The following TC2N variants were observed in gnomAD, a reference collection of about 807,000 sequenced individuals.
TC2N encodes the protein tandem C2 domains, nuclear.
In TC2N, 51 loss-of-function variants were observed where a neutral mutation model predicts 61.9. The ratio of observed to expected loss-of-function variants is 0.82; its 90% CI spans 0.66 to 1.04. TC2N has a LOEUF of 1.04. Ranked by LOEUF, TC2N falls within the 50% of genes least tolerant of loss-of-function variation. TC2N has a pLI of 0.00. For synonymous variants in TC2N, 204 were observed against 192.6 expected, an observed-to-expected ratio of 1.06 and a Z score of -0.49; for missense variants, 556 against 566.7, an observed-to-expected ratio of 0.98 and a Z score of 0.19.
chr14:91,798,959 A>G, intron 6 of TC2N, 30 bp downstream of exon 6: 1 of 1,409,716 alleles, frequency 7.1e-7, no homozygotes, highest in Non-Finnish European at 9.9e-7. Flanking sequence ...TTATCTTAAG[A>G]GTATAAAAGT....
intron 1 of TC2N, among the ~76,000 whole-genome samples, chr14:91,828,955 A>G (rs1887623031): frequency 6.6e-6 from 1 of 152,022 alleles, no homozygotes; most frequent in Admixed American, 6.6e-5. Context: ...TCTAAATTAT[A>G]AGCTATTTTC....
chr14:91,841,763 G>A lies in TC2N; in HGVS notation c.-57+25499C>T, dbSNP rs150996447. On this transcript the variant is annotated intron_variant, in intron 1 of 11. Coordinates refer to ENST00000435962, the MANE Select transcript of TC2N (RefSeq NM_001128596.3). ...GTCCACCTGTACAGGGCTTCAGGATGGCTGGCTAGTGACTTTTCTCTAACC... is the reference window on the plus strand; with the variant it reads ...GTCCACCTGTACAGGGCTTCAGGATAGCTGGCTAGTGACTTTTCTCTAACC... 3.9e-5 allele frequency among the ~76,000 whole-genome samples: 6 copies of A among 152,232 alleles called. No homozygotes were observed. The East Asian group carries it at 1.2e-3, about 29-fold the overall frequency.
intron 10 of TC2N, 109 bp downstream of exon 10, chr14:91,787,400 TTAAA>T: frequency 1.6e-6 from 1 of 622,622 alleles, no homozygotes; most frequent in Non-Finnish European, 2.7e-6. Context: ...AGTAAATAAG[TTAAA>T]TAATAAAAGT....
intron 8 of TC2N, 46 bp downstream of exon 8, chr14:91,797,739 A>T (rs774311110): frequency 1.2e-5 from 14 of 1,155,672 alleles, no homozygotes; most frequent in South Asian, 2.8e-5. Context: ...ACAAATATAA[A>T]AAAAAAAAAA....
intron 8 of TC2N, 49 bp from the exon 9 acceptor site, chr14:91,792,607 AT>A (rs1885717215): frequency 1.2e-6 from 1 of 846,958 alleles, no homozygotes; most frequent in Admixed American, 3.0e-5. Flanking sequence ...AAAGGCTTAT[AT>A]GCCAATACAA....
In TC2N at chr14:91,792,428, C is replaced by T; in HGVS notation, c.986G>A (p.Arg329Lys). 6.2e-7 allele frequency: 1 copy of T among 1,610,586 alleles called. No individual in the cohort carries two copies. The highest frequency in any genetic ancestry group is 8.5e-7 in the Non-Finnish European group (1 of 1,177,884). ...KTIGECSMSLRTLSTQEMDYS... is the reference protein window; with the variant it reads ...KTIGECSMSLKTLSTQEMDYS... ...ATCCATTTCCTGTGTGCTAAGGGTT[C>T]TGAGTGACATTGAGCATTCTCCAAT... The change falls in exon 9 of 12, where the codon AGA becomes AAA. Residue 329 changes from arginine to lysine, a missense_variant. Arg to Lys is a conservative substitution (Grantham distance 26, BLOSUM62 2). Transcript: ENST00000435962.
intron 1 of TC2N, among the ~76,000 whole-genome samples, chr14:91,838,301 G>A (rs966527434): frequency 4.6e-5 from 7 of 151,768 alleles, no homozygotes; most frequent in African/African-American, 7.3e-5. Context: ...ATACCACCAC[G>A]CCTGGCTAAA....
At chr14:91,861,691 G>C (rs375153672) in intron 1 of TC2N, among the ~76,000 whole-genome samples, 3 of 152,228 alleles carry the variant, frequency 2.0e-5, no homozygotes, top group East Asian at 1.9e-4. Flanking sequence ...GGGAGGCCAA[G>C]GTGTGTGGAT....
chr14:91,811,794 A>G (rs1566773514), intron 3 of TC2N, among the ~76,000 whole-genome samples: 1 of 152,072 alleles, frequency 6.6e-6, no homozygotes, highest in Admixed American at 6.6e-5. Context: ...ACCAAAATCC[A>G]TGGATGCTCA....
intron 1 of TC2N, among the ~76,000 whole-genome samples, chr14:91,819,315 G>C (rs1887142405): frequency 6.6e-6 from 1 of 152,034 alleles, no homozygotes; most frequent in Non-Finnish European, 1.5e-5. Flanking sequence ...GGGTGACACA[G>C]AGAGACTCTG....
Position 91,789,037 on chromosome 14 carries a change from C to T in TC2N, c.1048-1410G>A, listed in dbSNP as rs72705310. Among the ~76,000 whole-genome samples, 1,029 of 152,020 alleles carry T rather than the reference C, an allele frequency of 6.8e-3. 6 individuals are homozygous for T. Among genetic ancestry groups the T allele is most frequent in the Non-Finnish European group, 0.011 (778 of 67,990 alleles). ...AAAAATATATTTTAAAAGATAGAGT[C>T]ATACTGTTTATAAAACACAAGGGAA... is the stretch of plus-strand genomic sequence containing the variant. On this transcript the variant is annotated intron_variant, in intron 9 of 11. Transcript: ENST00000435962.
intron 1 of TC2N, among the ~76,000 whole-genome samples, chr14:91,825,810 C>T (rs1037148876): frequency 2.6e-5 from 4 of 152,090 alleles, no homozygotes; most frequent in African/African-American, 9.7e-5. Context: ...CTCCATCTGT[C>T]TTATTCTTTT....
rs144638659 is a variant in TC2N at position 91,854,649 on chromosome 14, G to A, written c.-57+12613C>T. Among the ~76,000 whole-genome samples the A allele has an allele frequency of 7.3e-3, 1,106 of 152,246 alleles. 14 individuals carry two copies. Among genetic ancestry groups the A allele is most frequent in the African/African-American group, 0.023 (974 of 41,536 alleles). Reference sequence around the variant, plus strand: ...GTCTTTGGAGTGTTCCTCTAGGGAGGGACAACCTCTTGTATTCCTTTAGTA... The same window carrying A: ...GTCTTTGGAGTGTTCCTCTAGGGAGAGACAACCTCTTGTATTCCTTTAGTA... On this transcript the variant is annotated intron_variant, in intron 1 of 11. Coordinates refer to ENST00000435962, the MANE Select transcript of TC2N (RefSeq NM_001128596.3).
intron 1 of TC2N, among the ~76,000 whole-genome samples, chr14:91,823,342 G>T (rs566297447): frequency 6.6e-6 from 1 of 151,678 alleles, no homozygotes; most frequent in Non-Finnish European, 1.5e-5. Context: ...CCAACCTGAA[G>T]AAACCCCATC....
intron 1 of TC2N, among the ~76,000 whole-genome samples, chr14:91,819,504 T>C (rs1186546712): frequency 1.3e-5 from 2 of 152,242 alleles, no homozygotes; most frequent in East Asian, 1.9e-4. Context: ...TCTTCAGACA[T>C]ACAAAAGTTG....
intron 1 of TC2N, among the ~76,000 whole-genome samples, chr14:91,815,449 G>A (rs1223390958): frequency 6.6e-6 from 1 of 151,362 alleles, no homozygotes; most frequent in Non-Finnish European, 1.5e-5. Context: ...AAGATATAGA[G>A]CAAATAAAGG....
chr14:91,781,439 T>C lies in TC2N; in HGVS notation c.*1661A>G, dbSNP rs996970375. Reference sequence around the variant, plus strand: ...GTAGGTTCATTGATTGTAACAAATGTACCATTGTGGTGCAGGATACTGATA... The same window carrying C: ...GTAGGTTCATTGATTGTAACAAATGCACCATTGTGGTGCAGGATACTGATA... On this transcript the variant is annotated 3_prime_UTR_variant, in exon 12 of 12. Coordinates refer to ENST00000435962, the MANE Select transcript of TC2N (RefSeq NM_001128596.3). 1 of 152,136 alleles carries C rather than the reference T, an allele frequency of 6.6e-6. No individual in the cohort carries two copies. Among genetic ancestry groups the C allele is most frequent in the South Asian group, 2.1e-4 (1 of 4,830 alleles). 9.4% of individuals were successfully genotyped at this position (152,136 alleles called of 1,614,324 possible). A position where few individuals can be genotyped will look rare whatever the true frequency, so the allele number is the denominator to read the frequency against.
chr14:91,785,848 C>A (rs1415861387), intron 10 of TC2N, among the ~76,000 whole-genome samples: 1 of 151,948 alleles, frequency 6.6e-6, no homozygotes, highest in South Asian at 2.1e-4. Context: ...AACTAACCTT[C>A]CCATAAACAA....
chr14:91,823,699 G>C (rs1306699390), intron 1 of TC2N, among the ~76,000 whole-genome samples: 1 of 151,966 alleles, frequency 6.6e-6, no homozygotes, highest in African/African-American at 2.4e-5. Flanking sequence ...GGCAGGACCA[G>C]TCAGGTTAAC....
Sources: allele counts gnomAD v4.1 joint callset (sites outside exome capture counted in the v4.1 genomes callset), GRCh38; gene constraint gnomAD v4.1.1; transcripts MANE v1.5; gene names NCBI Gene and HGNC (gene_info 2026-07-23, HGNC 2026-07-21).